Variants in VNN1 observed in about 807,000 individuals in gnomAD.
The protein encoded by VNN1 is pantetheinase.
Under a neutral mutation model 41.9 loss-of-function variants are expected in VNN1, and 29 were observed. The observed-to-expected ratio is 0.69, with a 90% confidence interval of 0.52 to 0.94. The LOEUF (loss-of-function observed/expected upper bound fraction) is 0.94, where lower values mean the gene tolerates loss of function less well. Ranked by LOEUF, VNN1 falls within the 40% of genes least tolerant of loss-of-function variation. The probability of loss-of-function intolerance (pLI) is 0.00; values close to 1 mark genes in which losing one functional copy is unlikely to be tolerated. For missense variants in VNN1, 637 were observed against 621.1 expected, an observed-to-expected ratio of 1.03 and a Z score of -0.27; for synonymous variants, 233 against 224.4, an observed-to-expected ratio of 1.04 and a Z score of -0.34.
At chr6:132,698,289 AATC>A (rs1430524290) in intron 2 of VNN1, among the ~76,000 whole-genome samples, 1 of 152,260 alleles carries the variant, frequency 6.6e-6, no homozygotes, top group Non-Finnish European at 1.5e-5. Context: ...GTATAACAAA[AATC>A]ATCAATTATC....
At chr6:132,712,631 C>G (rs1778620480) in intron 1 of VNN1, among the ~76,000 whole-genome samples, 1 of 152,218 alleles carries the variant, frequency 6.6e-6, no homozygotes, top group East Asian at 1.9e-4. Context: ...CTAGCTTTCC[C>G]CTGCAAACAT....
At chr6:132,693,579 A>G (rs537235619) in intron 3 of VNN1, among the ~76,000 whole-genome samples, 2 of 152,318 alleles carry the variant, frequency 1.3e-5, no homozygotes, top group African/African-American at 2.4e-5. Flanking sequence ...AAAATAGATT[A>G]CTTCTGTTTG....
intron 2 of VNN1, among the ~76,000 whole-genome samples, chr6:132,709,525 G>T (rs545744355): frequency 6.6e-6 from 1 of 152,180 alleles, no homozygotes; most frequent in Non-Finnish European, 1.5e-5. Context: ...CAAAAAACTA[G>T]CTGGGTGTTG....
rs146663285 is a variant in VNN1, at chr6:132,711,835, G to A, written c.215C>T (p.Ala72Val). The A allele has an allele frequency of 2.9e-4, 469 of 1,613,112 alleles. 1 individual carries two copies. Among genetic ancestry groups the A allele is most frequent in the Admixed American group, 3.8e-4 (23 of 59,858 alleles). ...GAITSAADQG[A>V]HIIVTPEDAI... ...ATCTTCTGGAGTCACAATAATATGC[G>A]CACCCTGTTAAAAATGCAACTTAAT... Residue 72 changes from alanine (A) to valine (V), a missense_variant, in exon 2 of 7, where the codon GCG becomes GTG. Transcript: ENST00000367928.
chr6:132,707,592 A>T (rs1230809677), intron 2 of VNN1, among the ~76,000 whole-genome samples: 1 of 152,240 alleles, frequency 6.6e-6, no homozygotes, highest in Non-Finnish European at 1.5e-5. Context: ...AAAGAATGAG[A>T]TCCAGTCATT....
chr6:132,702,169 C>T (rs1778457170), intron 2 of VNN1, among the ~76,000 whole-genome samples: 1 of 152,206 alleles, frequency 6.6e-6, no homozygotes, highest in Non-Finnish European at 1.5e-5. Flanking sequence ...TAGAAACTGG[C>T]TGCACAGTAG....
chr6:132,708,842 T>C (rs1268740407), intron 2 of VNN1, among the ~76,000 whole-genome samples: 1 of 152,172 alleles, frequency 6.6e-6, no homozygotes, highest in Non-Finnish European at 1.5e-5. Context: ...CCTCCTGCCC[T>C]TCTGCCTCCA....
At chr6:132,710,043 G>A (rs369415768) in intron 2 of VNN1, among the ~76,000 whole-genome samples, 4 of 151,922 alleles carry the variant, frequency 2.6e-5, no homozygotes, top group Non-Finnish European at 4.4e-5. Context: ...TAGTTTTTGT[G>A]GGTTTGTTTG....
At chr6:132,692,643 ATTG>A in intron 4 of VNN1, 59 bp from the exon 5 acceptor site, 2 of 1,503,364 alleles carry the variant, frequency 1.3e-6, no homozygotes, top group Non-Finnish European at 1.8e-6. Flanking sequence ...GGATTTCATA[ATTG>A]TTATTACTAT....
intron 2 of VNN1, among the ~76,000 whole-genome samples, chr6:132,701,209 T>C (rs1163233704): frequency 1.3e-5 from 2 of 152,246 alleles, no homozygotes; most frequent in Non-Finnish European, 2.9e-5. Context: ...ATAACCCATT[T>C]AATTTAAATG....
rs1778605034 is a variant in VNN1, at chr6:132,711,846, A to C, written c.211-7T>G. 1 of 1,612,784 alleles carries C rather than the reference A, an allele frequency of 6.2e-7. No homozygotes were observed. The highest frequency in any genetic ancestry group is 1.1e-5 in the South Asian group (1 of 90,774). On this transcript the variant is annotated splice_polypyrimidine_tract_variant and splice_region_variant and intron_variant, in intron 1 of 6. Coordinates refer to ENST00000367928, the MANE Select transcript of VNN1 (RefSeq NM_004666.3). The stretch of plus-strand genomic sequence containing the variant: ...TCACAATAATATGCGCACCCTGTTA[A>C]AAATGCAACTTAATCCAAAGGGGGG...
At chr6:132,693,912 T>C (rs536948675) in intron 3 of VNN1, 78 bp downstream of exon 3, 3 of 1,500,692 alleles carry the variant, frequency 2.0e-6, no homozygotes, top group South Asian at 2.3e-5. Flanking sequence ...CTTATCATTA[T>C]CAATAACATA....
chr6:132,703,541 C>T (rs1366430224), intron 2 of VNN1, among the ~76,000 whole-genome samples: 1 of 151,794 alleles, frequency 6.6e-6, no homozygotes, highest in African/African-American at 2.4e-5. Flanking sequence ...AACATCAAAT[C>T]AAAAAACCTA....
chr6:132,713,883 T>A lies in VNN1; in HGVS notation c.153A>T (p.Ala51=). The A allele has an allele frequency of 6.2e-7, 1 of 1,613,878 alleles. No individual in the cohort carries two copies. Among genetic ancestry groups the A allele is most frequent in the East Asian group, 2.2e-5 (1 of 44,884 alleles). ...LTPVSREEAL[A]LMNRNLDILE... ...AAATGTCCAGATTCCGATTCATTAA[T>A]GCCAAAGCCTCCTCACGAGACACTG... Residue 51 remains alanine (A), a synonymous_variant, in exon 1 of 7, where the codon GCA becomes GCT. Transcript: ENST00000367928.
At chr6:132,687,507 G>T (rs1444751497) in intron 5 of VNN1, among the ~76,000 whole-genome samples, 2 of 152,194 alleles carry the variant, frequency 1.3e-5, no homozygotes, top group South Asian at 2.1e-4. Context: ...GACTCCTATC[G>T]TATACAAGGC....
At chr6:132,712,409 C>CA (rs1778615372) in intron 1 of VNN1, among the ~76,000 whole-genome samples, 1 of 152,084 alleles carries the variant, frequency 6.6e-6, no homozygotes, top group Admixed American at 6.5e-5. Context: ...TTCAGCCTCC[C>CA]AAAGTGTTGG....
chr6:132,692,298 C>T lies in VNN1; in HGVS notation c.1113G>A (p.Glu371=). The change falls in exon 5 of 7, where the codon GAG becomes GAA. Residue 371 remains glutamate, a synonymous_variant. Transcript: ENST00000367928. ...LCCHLSYKMS[E]NIPNEVYALG... is the part of the protein sequence containing the mutation. Reference sequence around the variant, plus strand: ...GAGCGTACACTTCATTTGGTATGTTCTCAGACATTTTGTAGCTTAAATGAC... The same window carrying T: ...GAGCGTACACTTCATTTGGTATGTTTTCAGACATTTTGTAGCTTAAATGAC... The T allele has an allele frequency of 6.2e-7, 1 of 1,614,130 alleles. No individual in the cohort carries two copies. Among genetic ancestry groups the T allele is most frequent in the Non-Finnish European group, 8.5e-7 (1 of 1,179,994 alleles).
chr6:132,681,328 G>A lies in VNN1; in HGVS notation c.*1812C>T, dbSNP rs964590625. Among the ~76,000 whole-genome samples the A allele has an allele frequency of 7.2e-5, 11 of 152,150 alleles. No individual in the cohort carries two copies. The highest frequency in any genetic ancestry group is 1.3e-4 in the Admixed American group (2 of 15,282). On this transcript the variant is annotated 3_prime_UTR_variant, in exon 7 of 7. Coordinates refer to ENST00000367928, the MANE Select transcript of VNN1 (RefSeq NM_004666.3). Reference sequence around the variant, plus strand: ...AAAGAATGGAGGCCTGGCAACCGCCGTGAGTGAGCTGAGAAGCAGATTTTC... The same window carrying A: ...AAAGAATGGAGGCCTGGCAACCGCCATGAGTGAGCTGAGAAGCAGATTTTC...
chr6:132,698,381 G>A (rs1221588722), intron 2 of VNN1, among the ~76,000 whole-genome samples: 1 of 152,194 alleles, frequency 6.6e-6, no homozygotes, highest in Non-Finnish European at 1.5e-5. Context: ...ACAACACAAA[G>A]CACTATATTG....
Sources: allele counts gnomAD v4.1 joint callset (sites outside exome capture counted in the v4.1 genomes callset), GRCh38; gene constraint gnomAD v4.1.1; transcripts MANE v1.5; gene names NCBI Gene and HGNC (gene_info 2026-07-23, HGNC 2026-07-21).